ARL15: variants seen among roughly 807,000 people sequenced by gnomAD.
ARL15 encodes the protein ARF like GTPase 15.
Under a neutral mutation model 25.2 loss-of-function variants are expected in ARL15, and 19 were observed. That is an observed-to-expected ratio of 0.75 (90% confidence interval 0.53 to 1.10). The LOEUF (loss-of-function observed/expected upper bound fraction) is 1.10, where lower values mean the gene tolerates loss of function less well. Among genes scored for constraint, ARL15 ranks in the 50% least tolerant of loss-of-function variants. The pLI, the probability that ARL15 is intolerant of heterozygous loss-of-function variation, is 0.00. For synonymous variants in ARL15, 94 were observed against 86.8 expected, an observed-to-expected ratio of 1.08 and a Z score of -0.46; for missense variants, 220 against 246.0, an observed-to-expected ratio of 0.89 and a Z score of 0.71.
At chr5:53,908,942 T>G (rs533332486) in intron 4 of ARL15, among the ~76,000 whole-genome samples, 1 of 152,338 alleles carries the variant, frequency 6.6e-6, no homozygotes, top group African/African-American at 2.4e-5. Context: ...TGACATCATT[T>G]GAAAAATACA....
At chr5:54,266,994 C>T (rs538231657) in intron 1 of ARL15, among the ~76,000 whole-genome samples, 1 of 152,290 alleles carries the variant, frequency 6.6e-6, no homozygotes. Context: ...AGATTTTAGG[C>T]AGCAGAATCA....
At chr5:54,115,037 C>A (rs1752857847) in intron 3 of ARL15, among the ~76,000 whole-genome samples, 2 of 152,144 alleles carry the variant, frequency 1.3e-5, no homozygotes, top group South Asian at 4.1e-4. Flanking sequence ...GCTTCTCTTC[C>A]CAACTCTGTG....
At chr5:54,242,775 T>G (rs145817680) in intron 1 of ARL15, among the ~76,000 whole-genome samples, 2 of 152,278 alleles carry the variant, frequency 1.3e-5, no homozygotes, top group Admixed American at 1.3e-4. Flanking sequence ...CTGCCTAAAG[T>G]TGCACTTACC....
chr5:54,248,652 G>A (rs1377988863), intron 1 of ARL15, among the ~76,000 whole-genome samples: 3 of 152,180 alleles, frequency 2.0e-5, no homozygotes, highest in Admixed American at 2.0e-4. Context: ...CTACTCGAAT[G>A]TAAGTTCCAT....
intron 1 of ARL15, among the ~76,000 whole-genome samples, chr5:54,274,914 C>G (rs1054833892): frequency 6.6e-6 from 1 of 152,128 alleles, no homozygotes; most frequent in African/African-American, 2.4e-5. Flanking sequence ...TTTATAAACT[C>G]TCATTTCCTA....
At chr5:54,200,074 C>G (rs563043647) in intron 1 of ARL15, among the ~76,000 whole-genome samples, 31 of 144,470 alleles carry the variant, frequency 2.1e-4, no homozygotes, top group African/African-American at 7.8e-4. Flanking sequence ...TGTTCTCACT[C>G]ATAGGTGGGA....
intron 4 of ARL15, among the ~76,000 whole-genome samples, chr5:53,988,667 G>A (rs1748380648): frequency 1.3e-5 from 2 of 152,172 alleles, no homozygotes; most frequent in Admixed American, 1.3e-4. Context: ...ACAGCATACT[G>A]TTTATCTGAA....
Position 53,884,819 on chromosome 5 carries a change from A to T in ARL15, c.*1742T>A, listed in dbSNP as rs888540833. On this transcript the variant is annotated 3_prime_UTR_variant, in exon 5 of 5. Transcript: ENST00000504924. ...CATTTATTTTTCATAGAAGATGAGC[A>T]CAACAGGACAAAATAAAAACAGGAA... 1 of 152,614 alleles carries T rather than the reference A, an allele frequency of 6.6e-6. No homozygotes were observed. The highest frequency in any genetic ancestry group is 6.5e-5 in the Admixed American group (1 of 15,278). The allele number at this position is 152,614 out of a possible 1,614,324, so 9.5% of individuals were successfully genotyped here.
intron 1 of ARL15, among the ~76,000 whole-genome samples, chr5:54,277,941 T>C (rs1347153122): frequency 1.3e-5 from 2 of 152,164 alleles, no homozygotes; most frequent in Non-Finnish European, 2.9e-5. Flanking sequence ...CAGTCACCCC[T>C]GTGGCTTCCG....
intron 4 of ARL15, among the ~76,000 whole-genome samples, chr5:54,088,112 C>T (rs1464756613): frequency 1.3e-5 from 2 of 152,100 alleles, no homozygotes; most frequent in African/African-American, 2.4e-5. Flanking sequence ...GATATACTGC[C>T]AACTAGCATG....
At chr5:54,282,521 T>G in intron 1 of ARL15, 2 of 985,428 alleles carry the variant, frequency 2.0e-6, no homozygotes, top group Non-Finnish European at 2.4e-6. Context: ...GTCTGGGGCA[T>G]GTGGCTTTAT....
intron 4 of ARL15, among the ~76,000 whole-genome samples, chr5:53,985,181 T>C (rs2111621083): frequency 6.6e-6 from 1 of 152,012 alleles, no homozygotes; most frequent in South Asian, 2.1e-4. Flanking sequence ...TTTCCACCAC[T>C]CCCCTCCTCC....
At chr5:54,274,573 G>A (rs1002392297) in intron 1 of ARL15, among the ~76,000 whole-genome samples, 7 of 152,218 alleles carry the variant, frequency 4.6e-5, no homozygotes, top group African/African-American at 1.7e-4. Context: ...CACTCTAATT[G>A]AGAACATTAT....
At chr5:54,267,783 T>C (rs1321788064) in intron 1 of ARL15, among the ~76,000 whole-genome samples, 3 of 152,182 alleles carry the variant, frequency 2.0e-5, no homozygotes. Context: ...TTTAAGAATG[T>C]TGAATATTGG....
intron 4 of ARL15, among the ~76,000 whole-genome samples, chr5:54,015,501 G>T (rs1407429881): frequency 6.6e-6 from 1 of 152,034 alleles, no homozygotes; most frequent in East Asian, 1.9e-4. Context: ...ACATCAGGCA[G>T]GCTTTTACAT....
chr5:54,138,356 T>C (rs549876049), intron 3 of ARL15, among the ~76,000 whole-genome samples: 3 of 152,210 alleles, frequency 2.0e-5, no homozygotes, highest in South Asian at 2.1e-4. Context: ...GGATAGAGAA[T>C]GCAGAAATAA....
At chr5:53,965,077 C>T (rs1229972366) in intron 4 of ARL15, among the ~76,000 whole-genome samples, 2 of 152,186 alleles carry the variant, frequency 1.3e-5, no homozygotes, top group African/African-American at 4.8e-5. Context: ...AATCTGCCTC[C>T]TTTAACTTCT....
At chr5:53,994,239 A>T (rs1343288214) in intron 4 of ARL15, among the ~76,000 whole-genome samples, 3 of 152,220 alleles carry the variant, frequency 2.0e-5, no homozygotes, top group Non-Finnish European at 4.4e-5. Context: ...AAAAACCTAG[A>T]AGCCTTCTCC....
rs1292479997 is a variant in ARL15, at chr5:54,029,311, C to CCACCACCAA, written c.462+83890_462+83891insTTGGTGGTG. Among the ~76,000 whole-genome samples, 726 of 116,730 alleles carry CCACCACCAA rather than the reference C, an allele frequency of 6.2e-3. 17 individuals carry two copies. The highest frequency in any genetic ancestry group is 8.9e-3 in the Non-Finnish European group (502 of 56,674). 76.6% of individuals were successfully genotyped at this position (116,730 alleles called of 152,430 possible). On this transcript the variant is annotated intron_variant, in intron 4 of 4. Transcript: ENST00000504924. ...AGTTAATTTATAAAAACAGTTACCACCACCACCACCACCACCACCACTACC... is the reference window on the plus strand; with the variant it reads ...AGTTAATTTATAAAAACAGTTACCACCACCACCAACACCACCACCACCACCACCACTACC...
Sources: allele counts gnomAD v4.1 joint callset (sites outside exome capture counted in the v4.1 genomes callset), GRCh38; gene constraint gnomAD v4.1.1; transcripts MANE v1.5; gene names NCBI Gene and HGNC (gene_info 2026-07-23, HGNC 2026-07-21).